The following LZTS2 variants were observed in gnomAD, a reference collection of about 807,000 sequenced individuals.
The protein encoded by LZTS2 is leucine zipper tumor suppressor 2, also known as leucine zipper putative tumor suppressor 2.
A neutral mutation model predicts 60.6 loss-of-function variants in LZTS2; 32 were observed. The ratio of observed to expected loss-of-function variants is 0.53; its 90% CI spans 0.40 to 0.71. The LOEUF (loss-of-function observed/expected upper bound fraction) is 0.71, where lower values mean the gene tolerates loss of function less well. Ranked by LOEUF, LZTS2 falls within the 30% of genes least tolerant of loss-of-function variation. The probability of loss-of-function intolerance (pLI) is 0.00; values close to 1 mark genes in which losing one functional copy is unlikely to be tolerated. For missense variants in LZTS2, 792 were observed against 901.9 expected (o/e 0.88, Z 1.56); for synonymous variants, 360 against 393.1 (o/e 0.92, Z 1.00).
exon 4 of LZTS2, chr10:101,007,482 G>A (rs1590041271): frequency 7.0e-7 from 1 of 1,419,614 alleles, no homozygotes; most frequent in Non-Finnish European, 9.3e-7. Context: ...CTCCAGCCAG[G>A]GGAGCAGGGA....
At chr10:100,996,742 G>C (rs1361668451), upstream of LZTS2, 1 of 152,450 alleles carries the variant, frequency 6.6e-6, no homozygotes, top group Non-Finnish European at 1.5e-5. Flanking sequence ...GCTTCCCAGG[G>C]GTTGTCCCTG....
rs761163683 is a variant in LZTS2, at chr10:101,007,436, C to T, written c.*268C>T. Reference sequence around the variant, plus strand: ...ACTTCATTCCCCACCGCTGCCAGTGCCACTGCCAACCCTGTTCACAGGCGC... The same window carrying T: ...ACTTCATTCCCCACCGCTGCCAGTGTCACTGCCAACCCTGTTCACAGGCGC... On this transcript the variant is annotated 3_prime_UTR_variant, in exon 4 of 4. Transcript: ENST00000370220. The T allele has an allele frequency of 7.6e-6, 11 of 1,451,788 alleles. No individual in the cohort carries two copies. The South Asian group carries it at 1.0e-4, about 14-fold the overall frequency. 89.9% of individuals were successfully genotyped at this position (1,451,788 alleles called of 1,614,324 possible). A position where few individuals can be genotyped will look rare whatever the true frequency, so the allele number is the denominator to read the frequency against.
intron 1 of LZTS2, 129 bp downstream of exon 2, chr10:101,003,075 GCT>G (rs1852081913): frequency 2.5e-6 from 3 of 1,184,500 alleles, no homozygotes; most frequent in Admixed American, 2.9e-5. Context: ...CCTAATCCCA[GCT>G]CTCTCTCATT....
chr10:101,004,012 G>C (rs1225828096), exon 2 of LZTS2: 1 of 1,613,212 alleles, frequency 6.2e-7, no homozygotes, highest in African/African-American at 1.3e-5. Context: ...CCTGACAGCA[G>C]CTCCTGTGGG....
intron 3 of LZTS2, among the ~76,000 whole-genome samples, chr10:101,006,046 G>A (rs1315719985): frequency 6.6e-6 from 1 of 152,232 alleles, no homozygotes; most frequent in Admixed American, 6.5e-5. Flanking sequence ...TTAGAGATGA[G>A]TAAACTGAGG....
exon 1 of LZTS2, chr10:101,002,888 A>G (rs1193207002): frequency 1.9e-6 from 3 of 1,613,718 alleles, no homozygotes; most frequent in South Asian, 1.1e-5. Flanking sequence ...CGGGCACACA[A>G]TGCCCACCTC....
At chr10:101,004,148 T>C in exon 2 of LZTS2, 1 of 1,603,822 alleles carries the variant, frequency 6.2e-7, no homozygotes, top group Non-Finnish European at 8.5e-7. Flanking sequence ...TGGACGAGAA[T>C]GAGGCTACCA....
chr10:101,006,388 TG>T, intron 3 of LZTS2, 96 bp from the exon 5 acceptor site: 1 of 1,461,410 alleles, frequency 6.8e-7, no homozygotes, highest in African/African-American at 1.4e-5. Context: ...GGGATAAAGA[TG>T]GACTCTTCTC....
chr10:101,007,110 G>A, exon 4 of LZTS2: 2 of 1,610,536 alleles, frequency 1.2e-6, no homozygotes, highest in Non-Finnish European at 1.7e-6. Flanking sequence ...GCTGACCTGG[G>A]CCTGGCCGAG....
upstream of LZTS2, among the ~76,000 whole-genome samples, chr10:100,999,291 C>T (rs2133959165): frequency 6.6e-6 from 1 of 152,312 alleles, no homozygotes; most frequent in South Asian, 2.1e-4. Context: ...CTCCGCGAAG[C>T]CCAGGTTGCC....
exon 4 of LZTS2, chr10:101,007,034 C>G (rs200550347): frequency 1.3e-5 from 20 of 1,589,256 alleles, no homozygotes; most frequent in Non-Finnish European, 1.3e-5. Context: ...CCAGATGTAC[C>G]GGCGCAACCG....
chr10:101,005,342 T>C, intron 2 of LZTS2, 116 bp from the exon 4 acceptor site: 1 of 1,166,092 alleles, frequency 8.6e-7, no homozygotes, highest in Non-Finnish European at 1.2e-6. Flanking sequence ...GCAATTACTA[T>C]TGTTGTTTAA....
chr10:100,997,185 C>G (rs2133954027), upstream of LZTS2: 1 of 152,686 alleles, frequency 6.5e-6, no homozygotes, highest in Non-Finnish European at 1.5e-5. Context: ...GGTGGGCGCG[C>G]TGGAGCAGGA....
chr10:101,003,242 G>A (rs1179942888), intron 1 of LZTS2: 10 of 524,748 alleles, frequency 1.9e-5, no homozygotes, highest in East Asian at 1.6e-4. Context: ...CCAGTTATAC[G>A]TTTGACTTTG....
chr10:100,999,838 C>A (rs2133961029), exon 1 of LZTS2: 1 of 147,108 alleles, frequency 6.8e-6, no homozygotes, highest in Non-Finnish European at 1.5e-5. Context: ...CGAGTGGCGG[C>A]GCGCGGGCCA....
exon 1 of LZTS2, chr10:101,002,901 C>T (rs201351034): frequency 3.4e-4 from 546 of 1,613,224 alleles, no homozygotes; most frequent in Non-Finnish European, 4.2e-4. Context: ...CCCACCTCCG[C>T]GGCCCACCAC....
At chr10:101,005,256 G>A (rs1456866269) in intron 2 of LZTS2, among the ~76,000 whole-genome samples, 1 of 152,170 alleles carries the variant, frequency 6.6e-6, no homozygotes. Context: ...CCCACCTCGC[G>A]TGAGCCACCG....
exon 1 of LZTS2, chr10:101,002,368 G>A: frequency 1.8e-6 from 1 of 547,514 alleles, no homozygotes. Flanking sequence ...ATTCATTCCA[G>A]CACTTGAAGG....
exon 4 of LZTS2, chr10:101,007,050 T>G (rs1215731100): frequency 6.2e-7 from 1 of 1,601,432 alleles, no homozygotes; most frequent in Non-Finnish European, 8.5e-7. Context: ...AACCGGCAGC[T>G]AGAGCAGGAG....
Sources: gnomAD v4.1 joint callset for allele counts (sites outside exome capture counted in the v4.1 genomes callset) on GRCh38, gnomAD v4.1.1 for gene constraint, MANE v1.5 for transcripts, NCBI Gene and HGNC (gene_info 2026-07-23, HGNC 2026-07-21) for gene names.